Variants in PSD3 observed in about 807,000 individuals in gnomAD.
PSD3 encodes the protein PH and SEC7 domain-containing protein 3.
A neutral mutation model predicts 105.5 loss-of-function variants in PSD3; 49 were observed. The ratio of observed to expected loss-of-function variants is 0.46; its 90% CI spans 0.37 to 0.59. The LOEUF is 0.59. Ranked by LOEUF, PSD3 falls within the 20% of genes least tolerant of loss-of-function variation. The probability of loss-of-function intolerance (pLI) is 0.00; values close to 1 mark genes in which losing one functional copy is unlikely to be tolerated. For synonymous variants in PSD3, 557 were observed against 457.8 expected (o/e 1.22, Z -2.77); for missense variants, 1,561 against 1,263.8 (o/e 1.24, Z -3.57).
intron 1 of PSD3, among the ~76,000 whole-genome samples, chr8:18,973,540 A>G (rs553488996): frequency 6.6e-6 from 1 of 152,222 alleles, no homozygotes; most frequent in East Asian, 1.9e-4. Context: ...TTAGGGGCCC[A>G]TCCTTATGAC....
chr8:18,986,187 G>C (rs1825485922), intron 1 of PSD3, among the ~76,000 whole-genome samples: 1 of 152,036 alleles, frequency 6.6e-6, no homozygotes, highest in South Asian at 2.1e-4. Context: ...ACTGAAATTG[G>C]ATTAACAGTA....
intron 2 of PSD3, among the ~76,000 whole-genome samples, chr8:18,892,248 G>A (rs1818838298): frequency 6.8e-6 from 1 of 148,080 alleles, no homozygotes; most frequent in Non-Finnish European, 1.5e-5. Flanking sequence ...TTTTGAGACA[G>A]AGTCTCGCTC....
rs961172887 is a variant in PSD3 at position 18,931,321 on chromosome 8, T to C, written c.130+4713A>G. On this transcript the variant is annotated intron_variant, in intron 2 of 15. Coordinates refer to ENST00000327040, the MANE Select transcript of PSD3 (RefSeq NM_015310.4). ...GTCATGTATCTACATATGATTCACT[T>C]TACCTTTAAAAAAAAAACAGGTAAT... 2.6e-5 allele frequency among the ~76,000 whole-genome samples: 4 copies of C among 152,110 alleles called. No homozygotes were observed. In the East Asian group the frequency reaches 7.7e-4, roughly 29 times the overall value.
intron 1 of PSD3, among the ~76,000 whole-genome samples, chr8:18,958,774 C>A (rs918694767): frequency 1.3e-5 from 2 of 152,096 alleles, no homozygotes; most frequent in Non-Finnish European, 2.9e-5. Context: ...TTAAAAATAA[C>A]CTTAGCAAAC....
At chr8:18,824,445 C>A (rs1008965850) in intron 4 of PSD3, among the ~76,000 whole-genome samples, 1 of 152,174 alleles carries the variant, frequency 6.6e-6, no homozygotes, top group Non-Finnish European at 1.5e-5. Flanking sequence ...GTTTCCTCAT[C>A]TGTAAATACT....
intron 4 of PSD3, 98 bp from the exon 5 acceptor site, chr8:18,804,996 T>C: frequency 1.9e-6 from 2 of 1,036,260 alleles, no homozygotes; most frequent in Non-Finnish European, 2.8e-6. Flanking sequence ...TTAGTTCAGC[T>C]ACACTTAGAT....
chr8:19,039,224 A>G (rs1425631525), intron 1 of PSD3, among the ~76,000 whole-genome samples: 1 of 151,110 alleles, frequency 6.6e-6, no homozygotes, highest in Admixed American at 6.6e-5. Flanking sequence ...TCTTTTCCCT[A>G]CTCTTCTTTT....
intron 1 of PSD3, among the ~76,000 whole-genome samples, chr8:19,027,799 T>C (rs894551822): frequency 1.5e-4 from 23 of 152,246 alleles, no homozygotes; most frequent in Admixed American, 1.4e-3. Flanking sequence ...TATTGGACAG[T>C]GTTCCATTGT....
At chr8:18,710,617 G>T (rs554028206) in intron 9 of PSD3, among the ~76,000 whole-genome samples, 32 of 152,238 alleles carry the variant, frequency 2.1e-4, no homozygotes, top group African/African-American at 6.3e-4. Context: ...ACAAAGGGAA[G>T]CCCATGAGAC....
chr8:18,748,456 C>T (rs1449978442), intron 9 of PSD3, among the ~76,000 whole-genome samples: 3 of 151,818 alleles, frequency 2.0e-5, no homozygotes, highest in Admixed American at 2.0e-4. Context: ...GCCAGGAGAT[C>T]GAGACTATCC....
At chr8:18,590,542 A>G (rs915071922) in intron 12 of PSD3, among the ~76,000 whole-genome samples, 1 of 152,202 alleles carries the variant, frequency 6.6e-6, no homozygotes, top group Non-Finnish European at 1.5e-5. Context: ...GACATTAGGT[A>G]TAATCTTTCT....
At chr8:18,766,965 T>TA (rs1418922054) in intron 8 of PSD3, among the ~76,000 whole-genome samples, 1 of 152,204 alleles carries the variant, frequency 6.6e-6, no homozygotes, top group Non-Finnish European at 1.5e-5. Context: ...TCCAGGGAGA[T>TA]ATGCAAACCT....
chr8:18,769,133 A>G (rs905842222), intron 8 of PSD3, among the ~76,000 whole-genome samples: 2 of 152,344 alleles, frequency 1.3e-5, no homozygotes, highest in African/African-American at 2.4e-5. Flanking sequence ...AGTCATTATG[A>G]TATACCTTGG....
chr8:18,869,232 T>A (rs1413617525), intron 3 of PSD3, among the ~76,000 whole-genome samples: 1 of 134,388 alleles, frequency 7.4e-6, no homozygotes, highest in African/African-American at 2.9e-5. Context: ...CTCTATCACC[T>A]AGGCTGGGGT....
At chr8:18,966,541 G>A (rs537144809) in intron 1 of PSD3, among the ~76,000 whole-genome samples, 1 of 150,208 alleles carries the variant, frequency 6.7e-6, no homozygotes, top group East Asian at 2.0e-4. Context: ...ACTGAACTCC[G>A]GCCTGGGCAA....
chr8:18,769,191 G>C (rs1563244667), intron 8 of PSD3, among the ~76,000 whole-genome samples: 3 of 152,064 alleles, frequency 2.0e-5, no homozygotes, highest in Admixed American at 2.0e-4. Context: ...ATAATGACTA[G>C]GTAACAAATC....
chr8:18,557,853 C>T (rs1801171762), intron 14 of PSD3, among the ~76,000 whole-genome samples: 1 of 152,202 alleles, frequency 6.6e-6, no homozygotes. Context: ...GGCAAGGAGA[C>T]TATCAACTAT....
intron 8 of PSD3, among the ~76,000 whole-genome samples, chr8:18,785,662 A>G (rs1004260568): frequency 1.3e-5 from 2 of 152,170 alleles, no homozygotes; most frequent in African/African-American, 2.4e-5. Context: ...GTCTGGTGCA[A>G]GAGGCCTAGC....
intron 15 of PSD3, among the ~76,000 whole-genome samples, chr8:18,538,229 T>G (rs1480810051): frequency 2.0e-5 from 3 of 152,242 alleles, no homozygotes; most frequent in Admixed American, 1.3e-4. Flanking sequence ...TATTTGCAGT[T>G]TAAAGCATTA....
Sources: allele counts gnomAD v4.1 joint callset (sites outside exome capture counted in the v4.1 genomes callset), GRCh38; gene constraint gnomAD v4.1.1; transcripts MANE v1.5; gene names NCBI Gene and HGNC (gene_info 2026-07-23, HGNC 2026-07-21).